Variants in MDGA2 observed in about 807,000 individuals in gnomAD.
The protein encoded by MDGA2 is MAM domain containing glycosylphosphatidylinositol anchor 2, also known as MAM domain-containing glycosylphosphatidylinositol anchor protein 2.
In MDGA2, 40 loss-of-function variants were observed where a neutral mutation model predicts 117.8. That is an observed-to-expected ratio of 0.34 (90% confidence interval 0.26 to 0.44). The LOEUF is 0.44. Among genes scored for constraint, MDGA2 ranks in the 20% least tolerant of loss-of-function variants. The pLI is 1.00. For missense variants in MDGA2, 1,123 were observed against 1,250.6 expected, an observed-to-expected ratio of 0.90 and a Z score of 1.54; for synonymous variants, 452 against 439.0, an observed-to-expected ratio of 1.03 and a Z score of -0.37.
At chr14:47,482,737 A>T (rs1893979491) in intron 1 of MDGA2, among the ~76,000 whole-genome samples, 1 of 152,016 alleles carries the variant, frequency 6.6e-6, no homozygotes, top group African/African-American at 2.4e-5. Flanking sequence ...GATAAGTTAT[A>T]GTAAGTAAGG....
intron 7 of MDGA2, among the ~76,000 whole-genome samples, chr14:47,039,423 G>A (rs1399745219): frequency 6.6e-6 from 1 of 152,118 alleles, no homozygotes; most frequent in Non-Finnish European, 1.5e-5. Flanking sequence ...TCTCATATCT[G>A]CCTGTTTCTT....
chr14:47,422,348 C>T (rs17118602), intron 1 of MDGA2, among the ~76,000 whole-genome samples: 3,611 of 152,184 alleles, frequency 0.024, 143 homozygotes, highest in African/African-American at 0.083. Context: ...GAGTGGCAGA[C>T]CTCTCTTGTC....
At chr14:47,016,831 A>G (rs543416670) in intron 8 of MDGA2, among the ~76,000 whole-genome samples, 1 of 152,206 alleles carries the variant, frequency 6.6e-6, no homozygotes, top group South Asian at 2.1e-4. Flanking sequence ...TCCACCTCGT[A>G]TAGATCCAAG....
chr14:47,188,804 A>G (rs1885004623), intron 3 of MDGA2, among the ~76,000 whole-genome samples: 1 of 152,170 alleles, frequency 6.6e-6, no homozygotes, highest in East Asian at 1.9e-4. Context: ...GTCAGAGCAA[A>G]GAGATCAAAA....
At chr14:46,968,320 G>T (rs1886116790) in intron 8 of MDGA2, among the ~76,000 whole-genome samples, 1 of 152,100 alleles carries the variant, frequency 6.6e-6, no homozygotes, top group African/African-American at 2.4e-5. Context: ...TTACAGTGCA[G>T]CAGGCCAAAA....
At chr14:47,126,508 G>A (rs1015289886) in intron 5 of MDGA2, among the ~76,000 whole-genome samples, 2 of 151,950 alleles carry the variant, frequency 1.3e-5, no homozygotes, top group African/African-American at 4.8e-5. Flanking sequence ...CACTTTCTCT[G>A]GCTGATATAC....
chr14:47,456,569 C>T (rs2138582275), intron 1 of MDGA2, among the ~76,000 whole-genome samples: 1 of 151,856 alleles, frequency 6.6e-6, no homozygotes, highest in East Asian at 1.9e-4. Flanking sequence ...TCCCAAAGTG[C>T]TGGGATTACA....
At chr14:47,430,759 C>T (rs1469023504) in intron 1 of MDGA2, among the ~76,000 whole-genome samples, 4 of 152,010 alleles carry the variant, frequency 2.6e-5, no homozygotes, top group Admixed American at 2.0e-4. Flanking sequence ...ATGATGGCAT[C>T]TCATTCATTT....
intron 3 of MDGA2, among the ~76,000 whole-genome samples, chr14:47,212,901 G>A (rs1375126304): frequency 6.6e-6 from 1 of 151,992 alleles, no homozygotes; most frequent in Non-Finnish European, 1.5e-5. Context: ...TAAAATATCA[G>A]GTAAGCATCC....
chr14:47,176,890 G>C (rs144510606), intron 3 of MDGA2, among the ~76,000 whole-genome samples: 18 of 152,142 alleles, frequency 1.2e-4, no homozygotes, highest in African/African-American at 4.1e-4. Flanking sequence ...GAAAATTTTC[G>C]CAACCTACTC....
At chr14:47,126,826 G>GT (rs2139128682) in intron 5 of MDGA2, among the ~76,000 whole-genome samples, 1 of 152,242 alleles carries the variant, frequency 6.6e-6, no homozygotes, top group African/African-American at 2.4e-5. Flanking sequence ...ACTCCATGGT[G>GT]TAACTGTTCT....
intron 14 of MDGA2, among the ~76,000 whole-genome samples, chr14:46,864,562 T>TG (rs1881658485): frequency 2.4e-5 from 3 of 123,990 alleles, no homozygotes; most frequent in African/African-American, 8.3e-5. Context: ...TTTTTTTTTT[T>TG]TTTTTTTTTT....
intron 8 of MDGA2, among the ~76,000 whole-genome samples, chr14:47,009,514 A>G (rs1887823619): frequency 6.6e-6 from 1 of 152,048 alleles, no homozygotes; most frequent in Non-Finnish European, 1.5e-5. Flanking sequence ...ACTTTTCTCT[A>G]ACCAAGCACA....
intron 1 of MDGA2, chr14:47,343,044 CG>C: frequency 7.8e-7 from 1 of 1,284,818 alleles, no homozygotes; most frequent in Non-Finnish European, 1.0e-6. Context: ...GCAGCACTAC[CG>C]TGAGTCCTGC....
chr14:47,610,791 A>G (rs1318699864), intron 1 of MDGA2, among the ~76,000 whole-genome samples: 4 of 152,122 alleles, frequency 2.6e-5, no homozygotes, highest in Non-Finnish European at 5.9e-5. Context: ...GCCAAAGCCA[A>G]TCTACAAATT....
At chr14:46,937,132 T>C (rs1424313126) in intron 9 of MDGA2, among the ~76,000 whole-genome samples, 1 of 151,870 alleles carries the variant, frequency 6.6e-6, no homozygotes, top group Non-Finnish European at 1.5e-5. Context: ...ATCAGTAGCA[T>C]TTACATATGC....
chr14:46,919,880 G>A (rs201592327), intron 10 of MDGA2, 132 bp downstream of exon 10: 7 of 679,520 alleles, frequency 1.0e-5, no homozygotes, highest in Admixed American at 8.5e-5. Context: ...ATATCTATCT[G>A]TCTATCTATA....
At chr14:47,409,422 A>T (rs1892326567) in intron 1 of MDGA2, among the ~76,000 whole-genome samples, 1 of 152,206 alleles carries the variant, frequency 6.6e-6, no homozygotes, top group Non-Finnish European at 1.5e-5. Flanking sequence ...TCACTTAATT[A>T]TCACAAATAT....
At chr14:47,513,321 A>G (rs1894682057) in intron 1 of MDGA2, among the ~76,000 whole-genome samples, 1 of 152,134 alleles carries the variant, frequency 6.6e-6, no homozygotes, top group Admixed American at 6.5e-5. Context: ...TAGTTTATGT[A>G]CTAGTGGTGC....
Sources: gnomAD v4.1 joint callset for allele counts (sites outside exome capture counted in the v4.1 genomes callset) on GRCh38, gnomAD v4.1.1 for gene constraint, MANE v1.5 for transcripts, NCBI Gene and HGNC (gene_info 2026-07-23, HGNC 2026-07-21) for gene names.